Variants in ANKRD11 observed in about 807,000 individuals in gnomAD.
ANKRD11 encodes ankyrin repeat domain-containing protein 11.
A neutral mutation model predicts 195.7 loss-of-function variants in ANKRD11; 17 were observed. The observed-to-expected ratio is 0.09, with a 90% confidence interval of 0.06 to 0.13. The LOEUF is 0.13. Among genes scored for constraint, ANKRD11 ranks in the 10% least tolerant of loss-of-function variants. ANKRD11 has a pLI of 1.00. For synonymous variants in ANKRD11, 1,953 were observed against 1,528.1 expected (o/e 1.28, Z -6.49); for missense variants, 3,735 against 3,566.1 (o/e 1.05, Z -1.21).
intron 1 of ANKRD11, among the ~76,000 whole-genome samples, chr16:89,487,279 G>C (rs1410809902): frequency 1.3e-5 from 2 of 152,136 alleles, no homozygotes; most frequent in Non-Finnish European, 2.9e-5. Flanking sequence ...TACGATTTGA[G>C]GATGAAGGGA....
Position 89,316,428 on chromosome 16 carries a change from G to GA in ANKRD11, c.87+504dup, listed in dbSNP as rs559983532. Among the ~76,000 whole-genome samples, 67 of 152,220 alleles carry GA rather than the reference G, an allele frequency of 4.4e-4. 1 individual carries two copies. The South Asian group carries it at 0.013, about 29-fold the overall frequency. On this transcript the variant is annotated intron_variant, in intron 3 of 12. Coordinates refer to ENST00000301030, the MANE Select transcript of ANKRD11 (RefSeq NM_013275.6). ...GCAGGACAGGAAGTCTGCACCCCAG[G>GA]AAACTGCATCACCCCCCACACTGCA...
chr16:89,406,904 C>G (rs768905883), intron 2 of ANKRD11, among the ~76,000 whole-genome samples: 4 of 152,174 alleles, frequency 2.6e-5, no homozygotes, highest in African/African-American at 9.7e-5. Flanking sequence ...TCAGGCCGGA[C>G]GTGGTGGCTC....
intron 4 of ANKRD11, among the ~76,000 whole-genome samples, chr16:89,304,322 GCA>G (rs1465452427): frequency 1.0e-4 from 15 of 149,808 alleles, no homozygotes; most frequent in East Asian, 4.0e-4. Flanking sequence ...GTACACATGG[GCA>G]CACACAGGCA....
At chr16:89,357,612 C>T (rs1360661970) in intron 2 of ANKRD11, among the ~76,000 whole-genome samples, 1 of 152,206 alleles carries the variant, frequency 6.6e-6, no homozygotes, top group Non-Finnish European at 1.5e-5. Context: ...ACAGCAAACC[C>T]GAGTGTCCCC....
intron 3 of ANKRD11, among the ~76,000 whole-genome samples, chr16:89,310,241 G>A (rs1036051941): frequency 1.3e-5 from 2 of 152,170 alleles, no homozygotes; most frequent in Non-Finnish European, 2.9e-5. Context: ...TGCGGGGTCC[G>A]CCTGTATGTG....
intron 1 of ANKRD11, among the ~76,000 whole-genome samples, chr16:89,470,430 G>A (rs920309468): frequency 6.6e-6 from 1 of 152,158 alleles, no homozygotes; most frequent in Admixed American, 6.5e-5. Flanking sequence ...GTCAACGCAG[G>A]TCAGTCTGAG....
chr16:89,313,447 C>G (rs1023188438), intron 3 of ANKRD11: 3 of 1,289,080 alleles, frequency 2.3e-6, no homozygotes, highest in Admixed American at 2.3e-5. Flanking sequence ...TCTGACACGC[C>G]TGCCACTGTG....
intron 2 of ANKRD11, among the ~76,000 whole-genome samples, chr16:89,394,277 C>T (rs935090711): frequency 7.9e-5 from 12 of 152,188 alleles, no homozygotes; most frequent in Admixed American, 5.2e-4. Context: ...AGCAGCCGTC[C>T]GCCTCTCCTC....
At position 89,288,519 on chromosome 16, in the gene ANKRD11, G is replaced by C. The variant is rs1312180952; in HGVS notation, c.744+9C>G. ...AGGCCGGATGTGTGAAGAACGGGGG[G>C]ATGCCAACCTTGTAGTGCCCGTTGT... On this transcript the variant is annotated intron_variant, in intron 7 of 12. Coordinates refer to ENST00000301030, the MANE Select transcript of ANKRD11 (RefSeq NM_013275.6). 4 of 1,614,004 alleles carry C rather than the reference G, an allele frequency of 2.5e-6. No individual in the cohort carries two copies. The highest frequency in any genetic ancestry group is 2.5e-6 in the Non-Finnish European group (3 of 1,180,044).
chr16:89,286,972 T>C (rs1331806069), intron 7 of ANKRD11: 2 of 1,289,792 alleles, frequency 1.6e-6, no homozygotes, highest in East Asian at 5.5e-5. Flanking sequence ...GTGTGTGACA[T>C]GTTCTATTGT....
chr16:89,385,966 G>C (rs1167122376), intron 2 of ANKRD11, among the ~76,000 whole-genome samples: 2 of 152,214 alleles, frequency 1.3e-5, no homozygotes, highest in African/African-American at 4.8e-5. Context: ...CAGCAGTCCA[G>C]AACTCCCTGG....
chr16:89,324,148 G>A, intron 2 of ANKRD11: 2 of 1,012,646 alleles, frequency 2.0e-6, no homozygotes, highest in Non-Finnish European at 2.5e-6. Flanking sequence ...CTGCAGCCCT[G>A]TTTCCACTCA....
chr16:89,451,761 C>A (rs2044085353), intron 1 of ANKRD11, among the ~76,000 whole-genome samples: 1 of 152,116 alleles, frequency 6.6e-6, no homozygotes, highest in African/African-American at 2.4e-5. Flanking sequence ...CTAAAAATCA[C>A]TGAACGGCAT....
intron 1 of ANKRD11, among the ~76,000 whole-genome samples, chr16:89,466,653 G>T (rs1380204955): frequency 2.0e-5 from 3 of 152,034 alleles, no homozygotes; most frequent in Admixed American, 2.0e-4. Context: ...CCATAATGAG[G>T]TTAAAAGAAA....
In ANKRD11 at chr16:89,280,827, C is replaced by T; in HGVS notation, c.5715G>A (p.Gly1905=). 6.2e-7 allele frequency: 1 copy of T among 1,601,206 alleles called. No homozygotes were observed. Residue 1905 remains glycine, a synonymous_variant, in exon 9 of 13, where the codon GGG becomes GGA. Transcript: ENST00000301030. ...AGGTGTCCAGGTCCGGGGGAAGGGC[C>T]CCTTCGAGGGAAGGAACCAGCAGCT... ...RAELLVPSLE[G]ALPPDLDTSE...
intron 3 of ANKRD11, among the ~76,000 whole-genome samples, chr16:89,314,688 T>C (rs1308113774): frequency 6.6e-6 from 1 of 151,960 alleles, no homozygotes; most frequent in Non-Finnish European, 1.5e-5. Context: ...CCAGGAGAGC[T>C]CCCTCTTTCC....
chr16:89,274,760 C>G lies in ANKRD11; in HGVS notation c.7713+54G>C, dbSNP rs12709112. On this transcript the variant is annotated intron_variant, in intron 11 of 12. Transcript: ENST00000301030. ...CAGAATCTATCAAGGGGAGGGGAGGCGGGCAGGGTGCAGGCACTTGGACTC... is the reference window on the plus strand; with the variant it reads ...CAGAATCTATCAAGGGGAGGGGAGGGGGGCAGGGTGCAGGCACTTGGACTC... The G allele has an allele frequency of 0.13, 213,478 of 1,599,748 alleles. 18,511 individuals are homozygous for G. Among genetic ancestry groups the G allele is most frequent in the East Asian group, 0.41 (18,590 of 44,798 alleles).
chr16:89,388,070 T>A (rs2041003206), intron 2 of ANKRD11, among the ~76,000 whole-genome samples: 1 of 151,794 alleles, frequency 6.6e-6, no homozygotes, highest in Non-Finnish European at 1.5e-5. Flanking sequence ...AACTTCAGAC[T>A]TACAAAAAAG....
At chr16:89,370,227 G>A (rs1045663487) in intron 2 of ANKRD11, among the ~76,000 whole-genome samples, 8 of 152,246 alleles carry the variant, frequency 5.3e-5, no homozygotes, top group African/African-American at 1.9e-4. Context: ...TCAGGCGAGG[G>A]GAGCCCATGT....
Sources: gnomAD v4.1 joint callset for allele counts (sites outside exome capture counted in the v4.1 genomes callset) on GRCh38, gnomAD v4.1.1 for gene constraint, MANE v1.5 for transcripts, NCBI Gene and HGNC (gene_info 2026-07-23, HGNC 2026-07-21) for gene names.